The following PAPLN variants were observed in gnomAD, a reference collection of about 807,000 sequenced individuals.
The protein encoded by PAPLN is papilin.
A neutral mutation model predicts 159.0 loss-of-function variants in PAPLN; 146 were observed. The observed-to-expected ratio is 0.92, with a 90% CI of 0.80 to 1.05. The LOEUF (loss-of-function observed/expected upper bound fraction) is 1.05. Ranked by LOEUF, PAPLN falls within the 50% of genes least tolerant of loss-of-function variation. The probability of loss-of-function intolerance (pLI) is 0.00; values close to 1 mark genes in which losing one functional copy is unlikely to be tolerated. For missense variants in PAPLN, 1,720 were observed against 1,743.9 expected, an observed-to-expected ratio of 0.99 and a Z score of 0.24; for synonymous variants, 734 against 702.9, an observed-to-expected ratio of 1.04 and a Z score of -0.70.
chr14:73,253,731 T>G (rs758817368), intron 11 of PAPLN, 23 bp from the exon 12 acceptor site: 2 of 1,576,052 alleles, frequency 1.3e-6, no homozygotes, highest in South Asian at 2.3e-5. Flanking sequence ...GGGCCAGCCT[T>G]ACCTGATTCC....
At chr14:73,268,285 G>A (rs1887411132) in intron 25 of PAPLN, 2 of 381,924 alleles carry the variant, frequency 5.2e-6, no homozygotes, top group Admixed American at 4.4e-5. Context: ...GAGGCCTCCT[G>A]CTATCTCACA....
rs556559291 is a variant in PAPLN at position 73,247,118 on chromosome 14, A to G, written c.334+943A>G. 5.9e-5 allele frequency among the ~76,000 whole-genome samples: 9 copies of G among 152,106 alleles called. No homozygotes were observed. The East Asian group carries it at 1.7e-3, about 29-fold the overall frequency. Reference sequence around the variant, plus strand: ...CGTCGCACAGAGACGGAGATGGGGAACCCCGGGAGCGGTAGCAATGGTGCC... The same window carrying G: ...CGTCGCACAGAGACGGAGATGGGGAGCCCCGGGAGCGGTAGCAATGGTGCC... On this transcript the variant is annotated intron_variant, in intron 5 of 26. Transcript: ENST00000644200.
chr14:73,261,288 A>G lies in PAPLN; in HGVS notation c.2239A>G (p.Ser747Gly). Reference sequence around the variant, plus strand: ...TGGGGAAGGCTGTGTGGGCCAGCCCAGCCATGGTGAGTGGACACCCCCTCT... The same window carrying G: ...TGGGGAAGGCTGTGTGGGCCAGCCCGGCCATGGTGAGTGGACACCCCCTCT... Reference protein sequence around the residue: ...PLGEGCVGQPSHAYPVRCLLP... With the variant: ...PLGEGCVGQPGHAYPVRCLLP... The change falls in exon 18 of 27, where the codon AGC becomes GGC. Residue 747 changes from serine to glycine, a missense_variant. Physicochemically the swap from Ser to Gly is moderately conservative, Grantham distance 56. Coordinates refer to ENST00000644200, the MANE Select transcript of PAPLN (RefSeq NM_001365906.3). 2 of 1,613,654 alleles carry G rather than the reference A, an allele frequency of 1.2e-6. No homozygotes were observed. Among genetic ancestry groups the G allele is most frequent in the Non-Finnish European group, 1.7e-6 (2 of 1,179,954 alleles).
At chr14:73,260,157 A>AT (rs909798421) in intron 16 of PAPLN, among the ~76,000 whole-genome samples, 2 of 152,046 alleles carry the variant, frequency 1.3e-5, no homozygotes, top group African/African-American at 4.8e-5. Context: ...AACCTCTCTG[A>AT]TTTTGGGTTC....
upstream of PAPLN, among the ~76,000 whole-genome samples, chr14:73,236,994 A>G (rs1883073288): frequency 6.6e-6 from 1 of 151,946 alleles, no homozygotes; most frequent in African/African-American, 2.4e-5. Flanking sequence ...AAGAAAGAAG[A>G]AAGGAAGGAA....
chr14:73,244,446 G>A, intron 2 of PAPLN, 198 bp from the exon 3 acceptor site: 1 of 542,716 alleles, frequency 1.8e-6, no homozygotes, highest in Non-Finnish European at 3.3e-6. Context: ...CTCCTTATGA[G>A]GAAAGCAGGC....
At position 73,245,996 on chromosome 14, in the gene PAPLN, TG is replaced by T; in HGVS notation, c.232-74del. The T allele has an allele frequency of 7.2e-7, 1 of 1,383,254 alleles. No homozygotes were observed. The highest frequency in any genetic ancestry group is 1.5e-5 in the African/African-American group (1 of 66,602). The allele number at this position is 1,383,254 out of a possible 1,614,324, so 85.7% of individuals were successfully genotyped here. ...AGGCAAGGGAGACTCCTGGGCTCCC[TG>T]GGCTCGGGCGGGGCGGGAGGTGGGC... is the stretch of plus-strand genomic sequence containing the variant. On this transcript the variant is annotated intron_variant, in intron 4 of 26. Transcript: ENST00000644200. This position sits in a 1 kb window ranked among gnomAD's most constrained non-coding sequence, Gnocchi z 4.2.
At chr14:73,256,876 T>G (rs1885970383) in intron 14 of PAPLN, among the ~76,000 whole-genome samples, 1 of 151,898 alleles carries the variant, frequency 6.6e-6, no homozygotes, top group African/African-American at 2.4e-5. Flanking sequence ...AGAGCAAGAT[T>G]CTATCTCAAA....
Position 73,266,537 on chromosome 14 carries a change from C to T in PAPLN, c.3300C>T (p.Ser1100=), listed in dbSNP as rs1340403410. 6.2e-7 allele frequency: 1 copy of T among 1,614,160 alleles called. No homozygotes were observed. The highest frequency in any genetic ancestry group is 8.5e-7 in the Non-Finnish European group (1 of 1,180,026). ...QLQPDGSLVI[S]RVAVEDGGFY... ...AGCCTGATGGCTCCCTGGTCATTAG[C>T]CGAGTGGCTGTAGAAGATGGCGGCT... The change falls in exon 24 of 27, where the codon AGC becomes AGT. Residue 1100 remains serine, a synonymous_variant. Transcript: ENST00000644200.
rs1465022444 is a variant in PAPLN at position 73,266,806 on chromosome 14, G to A, written c.3475G>A (p.Glu1159Lys). ...TARLLCVVAG[E>K]SVNIRWSRNG... The stretch of plus-strand genomic sequence containing the variant: ...CAGGCTATTGTGTGTGGTAGCAGGA[G>A]AAAGTGTGAACATCAGGTGGTCCAG... The change falls in exon 25 of 27, where the codon GAA (glutamate) becomes AAA (lysine). Residue 1159 changes from glutamate to lysine, a missense_variant. Physicochemically the swap from Glu to Lys is moderately conservative, Grantham distance 56. Coordinates refer to ENST00000644200, the MANE Select transcript of PAPLN (RefSeq NM_001365906.3). The A allele has an allele frequency of 6.2e-7, 1 of 1,613,240 alleles. No individual in the cohort carries two copies. Among genetic ancestry groups the A allele is most frequent in the East Asian group, 2.2e-5 (1 of 44,870 alleles).
At position 73,273,596 on chromosome 14, in the gene PAPLN, T is replaced by C. The variant is rs1887926726; in HGVS notation, c.*932T>C. 6.6e-6 allele frequency: 1 copy of C among 152,212 alleles called. No individual in the cohort carries two copies. Among genetic ancestry groups the C allele is most frequent in the Non-Finnish European group, 1.5e-5 (1 of 68,040 alleles). 9.4% of individuals were successfully genotyped at this position (152,212 alleles called of 1,614,324 possible). A position where few individuals can be genotyped will look rare whatever the true frequency, so the allele number is the denominator to read the frequency against. ...TGAGCCACTGTGCCCAGCCCATCAA[T>C]GTGTTTTAAAGCTAGCTGTCAGGGT... is the stretch of plus-strand genomic sequence containing the variant. On this transcript the variant is annotated 3_prime_UTR_variant, in exon 27 of 27. Coordinates refer to ENST00000644200, the MANE Select transcript of PAPLN (RefSeq NM_001365906.3).
In PAPLN at chr14:73,268,590, T is replaced by C; in HGVS notation, c.3534T>C (p.Arg1178=). The C allele has an allele frequency of 6.2e-7, 1 of 1,613,780 alleles. No homozygotes were observed. The highest frequency in any genetic ancestry group is 1.3e-5 in the African/African-American group (1 of 75,034). The stretch of plus-strand genomic sequence containing the variant: ...TACCTGTGCAGGCTGATGGCCACCG[T>C]GTCCACCAGTCCCCAGATGGCACGC... ...NGLPVQADGH[R]VHQSPDGTLL... The change falls in exon 26 of 27, where the codon CGT becomes CGC. Residue 1178 remains arginine, a synonymous_variant. Coordinates refer to ENST00000644200, the MANE Select transcript of PAPLN (RefSeq NM_001365906.3).
rs1170282274 is a variant in PAPLN at position 73,263,728 on chromosome 14, C to T, written c.2807C>T (p.Ala936Val). The change falls in exon 20 of 27, where the codon GCC becomes GTC. Residue 936 changes from alanine to valine, a missense_variant. Coordinates refer to ENST00000644200, the MANE Select transcript of PAPLN (RefSeq NM_001365906.3). ...CGGCTCTCCTGCTCAGACGACACTG[C>T]CCCGGAATCCCAGGCTGCCTGGCAG... is the stretch of plus-strand genomic sequence containing the variant. Reference protein sequence around the residue: ...LVRLSCSDDTAPESQAAWQKD... With the variant: ...LVRLSCSDDTVPESQAAWQKD... 2.5e-6 allele frequency: 4 copies of T among 1,610,758 alleles called. No homozygotes were observed. Among genetic ancestry groups the T allele is most frequent in the Non-Finnish European group, 3.4e-6 (4 of 1,179,980 alleles).
chr14:73,254,365 G>T, intron 12 of PAPLN, 148 bp from the exon 13 acceptor site: 1 of 931,728 alleles, frequency 1.1e-6, no homozygotes, highest in Non-Finnish European at 1.6e-6. Context: ...GACCTCAGGG[G>T]AGTGAGTCAG....
In PAPLN at chr14:73,245,817, C is replaced by A. The variant is rs1469235060; in HGVS notation, c.231+121C>A. Reference sequence around the variant, plus strand: ...GGGTTGGCCCAGCCTGGGGTCCTCCCGCCAATCCACAGCAGGGCTGCGTGG... The same window carrying A: ...GGGTTGGCCCAGCCTGGGGTCCTCCAGCCAATCCACAGCAGGGCTGCGTGG... On this transcript the variant is annotated intron_variant, in intron 4 of 26. Transcript: ENST00000644200. This position sits in a 1 kb window ranked among gnomAD's most constrained non-coding sequence, Gnocchi z 4.2. The A allele has an allele frequency of 1.5e-6, 2 of 1,293,642 alleles. No homozygotes were observed. The highest frequency in any genetic ancestry group is 1.4e-5 in the South Asian group (1 of 71,446). 80.1% of individuals were successfully genotyped at this position (1,293,642 alleles called of 1,614,324 possible).
chr14:73,259,157 T>C lies in PAPLN; in HGVS notation c.1708+98T>C. ...TGGGGGTCACAGTTGGGTGCAGCCA[T>C]GGTGGAAGGGAGAATGGTCCAGGGG... On this transcript the variant is annotated intron_variant, in intron 15 of 26. Coordinates refer to ENST00000644200, the MANE Select transcript of PAPLN (RefSeq NM_001365906.3). The C allele has an allele frequency of 2.6e-6, 4 of 1,524,936 alleles. No homozygotes were observed. The South Asian group carries it at 3.9e-5, about 15-fold the overall frequency. 94.5% of individuals were successfully genotyped at this position (1,524,936 alleles called of 1,614,324 possible). A position where few individuals can be genotyped will look rare whatever the true frequency, so the allele number is the denominator to read the frequency against.
intron 21 of PAPLN, 44 bp downstream of exon 21, chr14:73,264,379 G>A (rs776579860): frequency 4.3e-5 from 68 of 1,588,284 alleles, no homozygotes; most frequent in South Asian, 1.3e-4. Context: ...TCAGGGGCCC[G>A]AGTGGGAAGG....
In PAPLN at chr14:73,251,843, G is replaced by C. The variant is rs746292402; in HGVS notation, c.843+7G>C. 6.3e-6 allele frequency: 10 copies of C among 1,588,248 alleles called. 1 individual carries two copies. The South Asian group carries it at 1.1e-4, about 18-fold the overall frequency. On this transcript the variant is annotated splice_region_variant and intron_variant, in intron 9 of 26. Coordinates refer to ENST00000644200, the MANE Select transcript of PAPLN (RefSeq NM_001365906.3). ...GGAGCCCCTGGTCATCGAGGTAAAT[G>C]GGGGTGTGGGGAGAGAGGGCGAGTG... is the stretch of plus-strand genomic sequence containing the variant.
chr14:73,259,082 C>T (rs749325889), intron 15 of PAPLN, 23 bp downstream of exon 15: 7 of 1,595,858 alleles, frequency 4.4e-6, no homozygotes, highest in South Asian at 2.3e-5. Context: ...TCCCGTCCCC[C>T]ACTCAGAGCC....
Sources: allele counts gnomAD v4.1 joint callset (sites outside exome capture counted in the v4.1 genomes callset), GRCh38; gene constraint gnomAD v4.1.1; non-coding constraint Gnocchi (gnomAD v3.1); transcripts MANE v1.5; gene names NCBI Gene and HGNC (gene_info 2026-07-23, HGNC 2026-07-21).